OSBPL9: variants seen among roughly 807,000 people sequenced by gnomAD.
OSBPL9 encodes oxysterol-binding protein-related protein 9.
OSBPL9 carries 40 observed loss-of-function variants against 106.6 expected under a neutral mutation model. That is an observed-to-expected ratio of 0.38 (90% CI 0.29 to 0.49). OSBPL9 has a LOEUF of 0.49. Ranked by LOEUF, OSBPL9 falls within the 20% of genes least tolerant of loss-of-function variation. The probability of loss-of-function intolerance (pLI) is 0.97; values close to 1 mark genes in which losing one functional copy is unlikely to be tolerated. For missense variants in OSBPL9, 609 were observed against 887.2 expected (o/e 0.69, Z 3.98); for synonymous variants, 269 against 295.4 (o/e 0.91, Z 0.92).
chr1:51,529,156 T>TA, the OSBPL9 span, among the ~76,000 whole-genome samples: 1 of 152,220 alleles, frequency 6.6e-6, no homozygotes, highest in Non-Finnish European at 1.5e-5. Context: ...AAGCTGATTC[T>TA]AAAATTCATA....
intron 8 of OSBPL9, 101 bp from the exon 9 acceptor site, chr1:51,756,219 A>G (rs1259237658): frequency 1.0e-5 from 10 of 961,868 alleles, no homozygotes; most frequent in Non-Finnish European, 1.5e-5. Flanking sequence ...ATGTTCTAAC[A>G]TTATTACTTA....
chr1:51,544,283 C>G, the OSBPL9 span, among the ~76,000 whole-genome samples: 13 of 152,204 alleles, frequency 8.5e-5, no homozygotes, highest in South Asian at 2.7e-3. Flanking sequence ...ATTACTTGAA[C>G]CAGGAGCTTG....
chr1:51,605,476 T>C (rs991654997), intron 2 of OSBPL9, among the ~76,000 whole-genome samples: 2 of 151,766 alleles, frequency 1.3e-5, no homozygotes, highest in African/African-American at 2.4e-5. Context: ...TGACAGACAC[T>C]TTAATGGAGT....
At chr1:51,580,551 C>CTA (rs1645214693) in intron 1 of OSBPL9, among the ~76,000 whole-genome samples, 1 of 151,932 alleles carries the variant, frequency 6.6e-6, no homozygotes, top group South Asian at 2.1e-4. Context: ...ATAAGAGACT[C>CTA]TATGCTCAAA....
Position 51,777,241 on chromosome 1 carries a change from G to A in OSBPL9, c.1256+323G>A, listed in dbSNP as rs1675289417. 2.6e-5 allele frequency among the ~76,000 whole-genome samples: 4 copies of A among 152,296 alleles called. No homozygotes were observed. The South Asian group carries it at 8.3e-4, about 32-fold the overall frequency. On this transcript the variant is annotated intron_variant, in intron 15 of 23. Transcript: ENST00000428468. ...ATTATTTGTACTATATCCTAATGAA[G>A]CTTAATTTTCTGAGTTCAGCAAACC...
upstream of OSBPL9, among the ~76,000 whole-genome samples, chr1:51,613,336 T>C (rs1427423514): frequency 2.0e-5 from 3 of 152,222 alleles, no homozygotes; most frequent in Non-Finnish European, 4.4e-5. Flanking sequence ...CAAGTTTCTA[T>C]AGGAAGTGTA....
chr1:51,539,748 A>G, the OSBPL9 span, among the ~76,000 whole-genome samples: 9 of 152,170 alleles, frequency 5.9e-5, no homozygotes, highest in African/African-American at 2.2e-4. Flanking sequence ...TAAATGGTAG[A>G]ACTTAGGTTT....
intron 1 of OSBPL9, among the ~76,000 whole-genome samples, chr1:51,588,181 G>A (rs888170479): frequency 6.6e-6 from 1 of 152,118 alleles, no homozygotes; most frequent in South Asian, 2.1e-4. Flanking sequence ...TCAGGAGTTC[G>A]AGACCAGCCT....
Position 51,789,101 on chromosome 1 carries a change from A to AGTAAAT in OSBPL9, c.*1313_*1318dup. On this transcript the variant is annotated 3_prime_UTR_variant, in exon 24 of 24. Transcript: ENST00000428468. ...TTATTAGTCTCAACAAAGGATAAAA[A>AGTAAAT]GTAAATCAAATGCTATGATGCCAGT... is the stretch of plus-strand genomic sequence containing the variant. 1 of 835,480 alleles carries AGTAAAT rather than the reference A, an allele frequency of 1.2e-6. No individual in the cohort carries two copies. The highest frequency in any genetic ancestry group is 1.6e-5 in the South Asian group (1 of 61,712). The allele number at this position is 835,480 out of a possible 1,614,324, so 51.8% of individuals were successfully genotyped here. A position where few individuals can be genotyped will look rare whatever the true frequency, so the allele number is the denominator to read the frequency against.
chr1:51,568,914 T>C, the OSBPL9 span, among the ~76,000 whole-genome samples: 4 of 152,186 alleles, frequency 2.6e-5, no homozygotes, highest in Admixed American at 6.5e-5. Flanking sequence ...GGTTTCACCA[T>C]GTTGGCCAGG....
intron 7 of OSBPL9, 148 bp from the exon 8 acceptor site, chr1:51,749,997 T>C: frequency 2.3e-6 from 1 of 443,962 alleles, no homozygotes; most frequent in Non-Finnish European, 3.9e-6. Context: ...ATCAGCATAC[T>C]AGAACCCACT....
At chr1:51,564,772 G>A in the OSBPL9 span, among the ~76,000 whole-genome samples, 1 of 152,182 alleles carries the variant, frequency 6.6e-6, no homozygotes, top group Non-Finnish European at 1.5e-5. Flanking sequence ...GTGCCCTGTT[G>A]ATTTAATCAG....
chr1:51,684,780 C>T (rs1334960161), intron 3 of OSBPL9, among the ~76,000 whole-genome samples: 2 of 152,156 alleles, frequency 1.3e-5, no homozygotes, highest in African/African-American at 2.4e-5. Flanking sequence ...ATGATCTGCC[C>T]ACCTCGGCCT....
At chr1:51,702,100 G>A (rs891924131) in intron 3 of OSBPL9, among the ~76,000 whole-genome samples, 2 of 152,060 alleles carry the variant, frequency 1.3e-5, no homozygotes, top group African/African-American at 2.4e-5. Flanking sequence ...TAGTGCCACA[G>A]TAAACATACG....
chr1:51,525,838 C>A, the OSBPL9 span, among the ~76,000 whole-genome samples: 1 of 152,192 alleles, frequency 6.6e-6, no homozygotes, highest in Non-Finnish European at 1.5e-5. Flanking sequence ...TAGCTTTGAA[C>A]TCCTGGGCTT....
intron 1 of OSBPL9, among the ~76,000 whole-genome samples, chr1:51,623,623 G>T (rs775207824): frequency 2.6e-5 from 4 of 152,128 alleles, no homozygotes; most frequent in Non-Finnish European, 4.4e-5. Flanking sequence ...GTCTGGAAGA[G>T]ACTTGTAATG....
chr1:51,628,875 G>C (rs1339337043), intron 1 of OSBPL9, among the ~76,000 whole-genome samples: 2 of 151,530 alleles, frequency 1.3e-5, no homozygotes, highest in Non-Finnish European at 2.9e-5. Flanking sequence ...GTACAGACGT[G>C]GTTTCACCAT....
intron 1 of OSBPL9, among the ~76,000 whole-genome samples, chr1:51,627,148 C>A (rs1455983020): frequency 1.3e-5 from 2 of 152,172 alleles, no homozygotes; most frequent in East Asian, 1.9e-4. Context: ...GGACTACAGG[C>A]TTGTGCCACC....
At chr1:51,563,071 G>A in the OSBPL9 span, among the ~76,000 whole-genome samples, 2 of 152,044 alleles carry the variant, frequency 1.3e-5, no homozygotes, top group Admixed American at 6.6e-5. Flanking sequence ...TTAGCCAGGC[G>A]TGGTGGCACG....
Sources: gnomAD v4.1 joint callset for allele counts (sites outside exome capture counted in the v4.1 genomes callset) on GRCh38, gnomAD v4.1.1 for gene constraint, MANE v1.5 for transcripts, NCBI Gene and HGNC (gene_info 2026-07-23, HGNC 2026-07-21) for gene names.